The following FAT3 variants were observed in gnomAD, a reference collection of about 807,000 sequenced individuals.
FAT3 encodes the protein protocadherin Fat 3.
FAT3 carries 95 observed loss-of-function variants against 310.2 expected under a neutral mutation model. That is an observed-to-expected ratio of 0.31 (90% CI 0.26 to 0.36). The LOEUF is 0.36. Among genes scored for constraint, FAT3 ranks in the 10% least tolerant of loss-of-function variants. The pLI, the probability that FAT3 is intolerant of heterozygous loss-of-function variation, is 1.00. For missense variants in FAT3, 5,408 were observed against 5,715.6 expected (o/e 0.95, Z 1.74); for synonymous variants, 2,314 against 2,192.9 (o/e 1.06, Z -1.54).
rs972323429 is a variant in FAT3, at chr11:92,425,481, G to T, written c.3292+70077G>T. Among the ~76,000 whole-genome samples the T allele has an allele frequency of 3.3e-5, 5 of 151,986 alleles. No individual in the cohort carries two copies. The East Asian group carries it at 7.7e-4, about 23-fold the overall frequency. ...TATACATGTGCCGTGGTGGTTTGCT[G>T]CACCCATCAACCCGTCATCTACATT... On this transcript the variant is annotated intron_variant, in intron 2 of 27. Coordinates refer to ENST00000525166, the MANE Select transcript of FAT3 (RefSeq NM_001367949.2).
At chr11:92,234,938 G>A (rs1263065970) in intron 1 of FAT3, among the ~76,000 whole-genome samples, 1 of 151,748 alleles carries the variant, frequency 6.6e-6, no homozygotes, top group Admixed American at 6.6e-5. Context: ...GGGCGTGGTG[G>A]CACATGCCTG....
At chr11:92,616,459 A>G (rs1940810908) in intron 3 of FAT3, among the ~76,000 whole-genome samples, 2 of 152,000 alleles carry the variant, frequency 1.3e-5, no homozygotes, top group African/African-American at 4.8e-5. Flanking sequence ...CTTTAATTGG[A>G]GCATTTAGCC....
intron 3 of FAT3, among the ~76,000 whole-genome samples, chr11:92,543,388 C>T (rs1165784103): frequency 6.6e-6 from 1 of 152,108 alleles, no homozygotes; most frequent in Non-Finnish European, 1.5e-5. Context: ...ATGCCAATTG[C>T]TCGATTTTAT....
In FAT3 at chr11:92,794,486, C is replaced by T. The variant is rs193279293; in HGVS notation, c.4822+1509C>T. Reference sequence around the variant, plus strand: ...GTCTCTACCTGCTTTTTATATTTGTCATTAAGCCTGCTACTTATACTCCTT... The same window carrying T: ...GTCTCTACCTGCTTTTTATATTTGTTATTAAGCCTGCTACTTATACTCCTT... On this transcript the variant is annotated intron_variant, in intron 9 of 27. Transcript: ENST00000525166. 4.4e-3 allele frequency among the ~76,000 whole-genome samples: 667 copies of T among 152,234 alleles called. 3 individuals are homozygous for T. The highest frequency in any genetic ancestry group is 6.8e-3 in the Middle Eastern group (2 of 294).
At chr11:92,852,814 ACATGT>A (rs1948866477) in intron 19 of FAT3, among the ~76,000 whole-genome samples, 1 of 152,226 alleles carries the variant, frequency 6.6e-6, no homozygotes. Flanking sequence ...TGATTTAATT[ACATGT>A]CATGCTATGG....
chr11:92,756,594 T>C (rs1190100626), intron 4 of FAT3, among the ~76,000 whole-genome samples: 1 of 152,196 alleles, frequency 6.6e-6, no homozygotes, highest in Non-Finnish European at 1.5e-5. Flanking sequence ...TTAGACACTC[T>C]TGTAATCACT....
At chr11:92,295,260 G>A (rs779179378) in intron 1 of FAT3, among the ~76,000 whole-genome samples, 26 of 152,192 alleles carry the variant, frequency 1.7e-4, no homozygotes, top group South Asian at 8.3e-4. Context: ...GAAAAATGTC[G>A]TTCAATTCAG....
Position 92,570,126 on chromosome 11 carries a change from C to T in FAT3, c.3607+45178C>T, listed in dbSNP as rs567098376. ...AGCAATGGCTGTTGAGTAAAGAACA[C>T]GGTGAATATGCAGCAATTGGCAAGT... is the stretch of plus-strand genomic sequence containing the variant. On this transcript the variant is annotated intron_variant, in intron 3 of 27. Coordinates refer to ENST00000525166, the MANE Select transcript of FAT3 (RefSeq NM_001367949.2). Among the ~76,000 whole-genome samples the T allele has an allele frequency of 5.1e-4, 77 of 152,250 alleles. 1 individual carries two copies. The South Asian group carries it at 0.016, about 31-fold the overall frequency.
At chr11:92,418,434 C>T (rs1169183109) in intron 2 of FAT3, among the ~76,000 whole-genome samples, 1 of 109,150 alleles carries the variant, frequency 9.2e-6, no homozygotes, top group African/African-American at 3.4e-5. Context: ...CCCCACCCCC[C>T]CACACACACA....
intron 1 of FAT3, among the ~76,000 whole-genome samples, chr11:92,273,386 A>G (rs1946181694): frequency 1.3e-5 from 2 of 152,004 alleles, no homozygotes; most frequent in African/African-American, 2.4e-5. Context: ...ATTCTGTAAC[A>G]TTCTGAGCCT....
At chr11:92,760,650 T>C (rs193041634) in intron 4 of FAT3, among the ~76,000 whole-genome samples, 46 of 152,290 alleles carry the variant, frequency 3.0e-4, no homozygotes, top group Middle Eastern at 3.4e-3. Context: ...AATTGTGAAA[T>C]GGGAATAAAT....
intron 1 of FAT3, among the ~76,000 whole-genome samples, chr11:92,288,185 C>T (rs1946605196): frequency 6.6e-6 from 1 of 151,974 alleles, no homozygotes; most frequent in Non-Finnish European, 1.5e-5. Flanking sequence ...CATGGATGAA[C>T]CTGGAGGACA....
intron 2 of FAT3, among the ~76,000 whole-genome samples, chr11:92,407,617 T>C (rs941374549): frequency 1.3e-5 from 2 of 152,142 alleles, no homozygotes; most frequent in Admixed American, 6.6e-5. Flanking sequence ...TGAAATCTAA[T>C]GTAGGCACCT....
intron 19 of FAT3, among the ~76,000 whole-genome samples, chr11:92,845,634 C>A (rs1437573591): frequency 6.6e-6 from 1 of 152,190 alleles, no homozygotes; most frequent in Non-Finnish European, 1.5e-5. Context: ...TCTCTCTTTT[C>A]CTCCGTCTGA....
intron 4 of FAT3, among the ~76,000 whole-genome samples, chr11:92,739,748 A>G (rs1286057360): frequency 1.3e-5 from 2 of 152,222 alleles, no homozygotes; most frequent in East Asian, 1.9e-4. Context: ...AACTCTCTAC[A>G]TGCTTGGCAA....
At chr11:92,492,709 A>G (rs958792926) in intron 2 of FAT3, among the ~76,000 whole-genome samples, 6 of 152,012 alleles carry the variant, frequency 3.9e-5, no homozygotes, top group African/African-American at 1.4e-4. Flanking sequence ...TCTGGTACCA[A>G]CCCTGTGGCA....
intron 13 of FAT3, among the ~76,000 whole-genome samples, chr11:92,812,713 C>T (rs1947712047): frequency 6.6e-6 from 1 of 152,090 alleles, no homozygotes; most frequent in Admixed American, 6.6e-5. Flanking sequence ...CTCAGAAGGC[C>T]CTGCAATTCC....
intron 2 of FAT3, among the ~76,000 whole-genome samples, chr11:92,462,808 A>G (rs536668874): frequency 2.0e-5 from 3 of 152,334 alleles, no homozygotes; most frequent in Admixed American, 6.5e-5. Context: ...CCTACAATAT[A>G]TAAGAGGTTA....
At chr11:92,259,493 T>C (rs1865449204) in intron 1 of FAT3, among the ~76,000 whole-genome samples, 1 of 151,482 alleles carries the variant, frequency 6.6e-6, no homozygotes, top group African/African-American at 2.4e-5. Context: ...GGATTGAAAT[T>C]TCCAAAAAAA....
Sources: gnomAD v4.1 joint callset for allele counts (sites outside exome capture counted in the v4.1 genomes callset) on GRCh38, gnomAD v4.1.1 for gene constraint, MANE v1.5 for transcripts, NCBI Gene and HGNC (gene_info 2026-07-23, HGNC 2026-07-21) for gene names.